The following TRPM2 variants were observed in gnomAD, a reference collection of about 807,000 sequenced individuals.
TRPM2 encodes the protein estrogen-responsive element-associated gene 1 protein.
TRPM2 carries 161 observed loss-of-function variants against 174.0 expected under a neutral mutation model. That is an observed-to-expected ratio of 0.93 (90% CI 0.81 to 1.05). The LOEUF is 1.05. TRPM2 is among the 50% of genes least tolerant of loss of function. TRPM2 has a pLI of 0.00. For missense variants in TRPM2, 2,057 were observed against 2,038.0 expected (o/e 1.01, Z -0.18); for synonymous variants, 954 against 861.3 (o/e 1.11, Z -1.88).
chr21:44,431,286 A>G (rs1410032070), intron 27 of TRPM2, among the ~76,000 whole-genome samples: 1 of 147,812 alleles, frequency 6.8e-6, no homozygotes, highest in African/African-American at 2.5e-5. Context: ...TTCATTTTAC[A>G]CTTTTGTTTT....
chr21:44,409,842 G>T (rs1182198265), intron 19 of TRPM2, among the ~76,000 whole-genome samples: 1 of 145,620 alleles, frequency 6.9e-6, no homozygotes, highest in African/African-American at 2.6e-5. Flanking sequence ...GCGTAGCCTT[G>T]TAGTAAGTTT....
intron 19 of TRPM2, among the ~76,000 whole-genome samples, chr21:44,412,290 A>G (rs1223955269): frequency 6.6e-6 from 1 of 152,106 alleles, no homozygotes; most frequent in Non-Finnish European, 1.5e-5. Flanking sequence ...AGGTCTATTT[A>G]TATTTTCTAT....
At position 44,402,028 on chromosome 21, in the gene TRPM2, T is replaced by C; in HGVS notation, c.2538+131T>C. 3.8e-6 allele frequency: 4 copies of C among 1,064,892 alleles called. No individual in the cohort carries two copies. In the South Asian group the frequency reaches 5.6e-5, roughly 15 times the overall value. 66.0% of individuals were successfully genotyped at this position (1,064,892 alleles called of 1,614,324 possible). A position where few individuals can be genotyped will look rare whatever the true frequency, so the allele number is the denominator to read the frequency against. On this transcript the variant is annotated intron_variant, in intron 16 of 31. Coordinates refer to ENST00000397928, the MANE Select transcript of TRPM2 (RefSeq NM_003307.4). ...CTCCCTGCAAGCTGAGCAGAGCCGGTGTTTCCTCCCCAAAATGGGTGGCTG... is the reference window on the plus strand; with the variant it reads ...CTCCCTGCAAGCTGAGCAGAGCCGGCGTTTCCTCCCCAAAATGGGTGGCTG...
chr21:44,436,919 A>G (rs1402753548), intron 28 of TRPM2, 143 bp from the exon 29 acceptor site: 2 of 642,654 alleles, frequency 3.1e-6, no homozygotes, highest in Middle Eastern at 4.2e-4. Flanking sequence ...TTCCCTGGGG[A>G]TGAAGAACTT....
intron 5 of TRPM2, among the ~76,000 whole-genome samples, chr21:44,374,752 T>C (rs918471207): frequency 1.3e-5 from 2 of 151,996 alleles, no homozygotes; most frequent in African/African-American, 4.8e-5. Context: ...CGGCTGTAAA[T>C]AGGGATGAAG....
chr21:44,368,596 T>C (rs1221593130), intron 4 of TRPM2, among the ~76,000 whole-genome samples: 8 of 151,786 alleles, frequency 5.3e-5, no homozygotes. Flanking sequence ...CATGCCTGGC[T>C]AATTTTTGTA....
At chr21:44,384,216 G>A (rs2048959160) in intron 9 of TRPM2, among the ~76,000 whole-genome samples, 2 of 152,220 alleles carry the variant, frequency 1.3e-5, no homozygotes, top group South Asian at 4.1e-4. Context: ...GTGAATAATT[G>A]TATGCCAACA....
intron 9 of TRPM2, among the ~76,000 whole-genome samples, 197 bp from the exon 10 acceptor site, chr21:44,390,707 C>T (rs1298970093): frequency 6.6e-6 from 1 of 152,152 alleles, no homozygotes; most frequent in Non-Finnish European, 1.5e-5. Context: ...CCAAGATTCA[C>T]TGATTCTGAC....
At chr21:44,433,566 G>A (rs1171827155) in intron 27 of TRPM2, among the ~76,000 whole-genome samples, 3 of 152,206 alleles carry the variant, frequency 2.0e-5, no homozygotes, top group Non-Finnish European at 4.4e-5. Flanking sequence ...TTGAGGGGAG[G>A]CAGCAGTGAC....
rs570070720 is a variant in TRPM2 at position 44,398,462 on chromosome 21, A to C, written c.2062+586A>C. The stretch of plus-strand genomic sequence containing the variant: ...ATGATCCGCCCACCTCGGCCTCCCA[A>C]AGTGCTGGGATTACAGGCGTGAACC... On this transcript the variant is annotated intron_variant, in intron 13 of 31. Coordinates refer to ENST00000397928, the MANE Select transcript of TRPM2 (RefSeq NM_003307.4). 3.9e-4 allele frequency among the ~76,000 whole-genome samples: 59 copies of C among 152,114 alleles called. No individual in the cohort carries two copies. In the South Asian group the frequency reaches 0.012, roughly 31 times the overall value.
rs993167440 is a variant in TRPM2 at position 44,425,941 on chromosome 21, A to G, written c.3795+114A>G. On this transcript the variant is annotated intron_variant, in intron 25 of 31. Coordinates refer to ENST00000397928, the MANE Select transcript of TRPM2 (RefSeq NM_003307.4). ...CCTGGCTCCCAGCCACTGCAGCCAC[A>G]GGGGGATCTGTGCGTCTGGCAGCCC... 8.5e-6 allele frequency: 11 copies of G among 1,295,998 alleles called. No individual in the cohort carries two copies. The East Asian group carries it at 2.3e-4, about 27-fold the overall frequency. 80.3% of individuals were successfully genotyped at this position (1,295,998 alleles called of 1,614,324 possible). A position where few individuals can be genotyped will look rare whatever the true frequency, so the allele number is the denominator to read the frequency against.
Position 44,405,142 on chromosome 21 carries a change from C to T in TRPM2, c.2539C>T (p.Leu847Phe), listed in dbSNP as rs2049822695. ...FSLVCEEMRQ[L>F]FYDPDECGLM... is the part of the protein sequence containing the mutation. ...TTCCTACCGCCCCTCTTCCCAGTAG[C>T]TCTTCTATGACCCTGACGAGTGCGG... The change falls in exon 17 of 32, where the codon CTC (leucine) becomes TTC (phenylalanine). Residue 847 changes from leucine (L) to phenylalanine (F), a missense_variant and splice_region_variant. Transcript: ENST00000397928. 6.2e-7 allele frequency: 1 copy of T among 1,613,202 alleles called. No individual in the cohort carries two copies. Among genetic ancestry groups the T allele is most frequent in the East Asian group, 2.2e-5 (1 of 44,904 alleles).
rs564200125 is a variant in TRPM2, at chr21:44,423,302, A to G, written c.3462-343A>G. 1.7e-4 allele frequency: 54 copies of G among 313,932 alleles called. No individual in the cohort carries two copies. The East Asian group carries it at 3.0e-3, about 17-fold the overall frequency. The allele number at this position is 313,932 out of a possible 1,614,324, so 19.4% of individuals were successfully genotyped here. A position where few individuals can be genotyped will look rare whatever the true frequency, so the allele number is the denominator to read the frequency against. ...CGCGCCACATCACCCCCAAAACAAAACCAACCTCTGCTGTGCCCAGAGGAA... is the reference window on the plus strand; with the variant it reads ...CGCGCCACATCACCCCCAAAACAAAGCCAACCTCTGCTGTGCCCAGAGGAA... On this transcript the variant is annotated intron_variant, in intron 22 of 31. Transcript: ENST00000397928.
At chr21:44,398,803 T>C (rs1422314405) in intron 13 of TRPM2, among the ~76,000 whole-genome samples, 1 of 152,190 alleles carries the variant, frequency 6.6e-6, no homozygotes, top group East Asian at 1.9e-4. Context: ...TGGGGAGGTT[T>C]GGAATCTTGT....
chr21:44,430,102 T>G (rs2050971177), intron 27 of TRPM2, among the ~76,000 whole-genome samples: 1 of 152,222 alleles, frequency 6.6e-6, no homozygotes, highest in South Asian at 2.1e-4. Flanking sequence ...CATCCTTGCA[T>G]TCCTGGAATA....
chr21:44,351,574 G>A (rs1007860094), upstream of TRPM2, among the ~76,000 whole-genome samples: 7 of 152,254 alleles, frequency 4.6e-5, no homozygotes, highest in South Asian at 8.3e-4. Flanking sequence ...CTGTTCTCAG[G>A]TGACTTGTGA....
At chr21:44,380,521 G>A (rs1412814295) in intron 8 of TRPM2, among the ~76,000 whole-genome samples, 1 of 152,202 alleles carries the variant, frequency 6.6e-6, no homozygotes, top group South Asian at 2.1e-4. Context: ...ACTCTCCATA[G>A]CCAAGCCAAG....
At chr21:44,429,228 T>G (rs2050939948) in intron 27 of TRPM2, among the ~76,000 whole-genome samples, 1 of 151,684 alleles carries the variant, frequency 6.6e-6, no homozygotes, top group South Asian at 2.1e-4. Flanking sequence ...ATTCCTCAGG[T>G]ATTTGATAAC....
At chr21:44,429,717 C>T (rs566008762) in intron 27 of TRPM2, among the ~76,000 whole-genome samples, 1 of 152,154 alleles carries the variant, frequency 6.6e-6, no homozygotes, top group East Asian at 1.9e-4. Flanking sequence ...TGTAGATTTT[C>T]TATGTAAATA....
Sources: gnomAD v4.1 joint callset for allele counts (sites outside exome capture counted in the v4.1 genomes callset) on GRCh38, gnomAD v4.1.1 for gene constraint, MANE v1.5 for transcripts, NCBI Gene and HGNC (gene_info 2026-07-23, HGNC 2026-07-21) for gene names.